GLE1: variants seen among roughly 807,000 people sequenced by gnomAD.
GLE1 encodes GLE1 RNA export mediator.
A neutral mutation model predicts 97.3 loss-of-function variants in GLE1; 78 were observed. The ratio of observed to expected loss-of-function variants is 0.80; its 90% CI spans 0.67 to 0.97. The LOEUF is 0.97. Among genes scored for constraint, GLE1 ranks in the 50% least tolerant of loss-of-function variants. GLE1 has a pLI of 0.00. For synonymous variants in GLE1, 302 were observed against 313.4 expected (o/e 0.96, Z 0.39); for missense variants, 753 against 857.5 (o/e 0.88, Z 1.52).
intron 3 of GLE1, among the ~76,000 whole-genome samples, chr9:128,518,364 C>G (rs1046812663): frequency 4.6e-5 from 7 of 152,004 alleles, no homozygotes; most frequent in Non-Finnish European, 8.8e-5. Context: ...AGTTTGACAC[C>G]AGCCTGGCCA....
rs199535198 is a variant in GLE1 at position 128,525,293 on chromosome 9, C to G, written c.999C>G (p.Cys333Trp). The G allele has an allele frequency of 6.2e-6, 10 of 1,613,886 alleles. No homozygotes were observed. Among genetic ancestry groups the G allele is most frequent in the Middle Eastern group, 1.7e-4 (1 of 6,060 alleles). ...MNLGQEITRA[C>W]EDKRRQDEEE... The stretch of plus-strand genomic sequence containing the variant: ...TGGGGCAGGAGATCACCAGAGCCTG[C>G]GAAGACAAGAGGAGGCAGGATGAAG... The change falls in exon 7 of 16, where the codon TGC (cysteine) becomes TGG (tryptophan). Residue 333 changes from cysteine (C) to tryptophan (W), a missense_variant. Cys to Trp is a radical substitution (Grantham distance 215). Transcript: ENST00000309971.
At chr9:128,511,136 G>A (rs928934347) in intron 2 of GLE1, among the ~76,000 whole-genome samples, 2 of 151,184 alleles carry the variant, frequency 1.3e-5, no homozygotes, top group African/African-American at 2.4e-5. Flanking sequence ...CCCGGGAGAC[G>A]GAGGTTGCAG....
intron 7 of GLE1, 26 bp downstream of exon 7, chr9:128,525,449 T>C (rs1332023262): frequency 7.5e-7 from 1 of 1,334,340 alleles, no homozygotes; most frequent in Non-Finnish European, 1.1e-6. Flanking sequence ...GATGTGGTCC[T>C]TTAACTCGTA....
rs575049150 is a variant in GLE1 at position 128,541,810 on chromosome 9, C to A, written c.*640C>A. 6.6e-6 allele frequency: 1 copy of A among 152,206 alleles called. No individual in the cohort carries two copies. The highest frequency in any genetic ancestry group is 1.5e-5 in the Non-Finnish European group (1 of 68,068). 9.4% of individuals were successfully genotyped at this position (152,206 alleles called of 1,614,324 possible). Reference sequence around the variant, plus strand: ...ACATGTCATTTTGAACTAAGGGAAACTCTTTGTCATCCTAATTTGGAATTT... The same window carrying A: ...ACATGTCATTTTGAACTAAGGGAAAATCTTTGTCATCCTAATTTGGAATTT... On this transcript the variant is annotated 3_prime_UTR_variant, in exon 16 of 16. Coordinates refer to ENST00000309971, the MANE Select transcript of GLE1 (RefSeq NM_001003722.2).
rs1489948033 is a variant in GLE1, at chr9:128,533,895, C to G, written c.1590C>G (p.Tyr530Ter). 1.2e-6 allele frequency: 2 copies of G among 1,613,448 alleles called. No individual in the cohort carries two copies. The highest frequency in any genetic ancestry group is 1.3e-5 in the African/African-American group (1 of 74,880). ...CTCATCTACATAAGAAGTGTCCTTA[C>G]TCTGTTCCTTTCTATCCCACTTTCA... is the stretch of plus-strand genomic sequence containing the variant. ...ILAHLHKKCP[Y>*]SVPFYPTFKE... The change falls in exon 11 of 16, where the codon TAC becomes TAG. Residue 530 changes from tyrosine to a stop codon, truncating the protein, a stop_gained. Transcript: ENST00000309971. LOFTEE classifies it high-confidence loss of function.
chr9:128,538,854 C>G (rs573600467), intron 13 of GLE1, among the ~76,000 whole-genome samples: 1 of 152,314 alleles, frequency 6.6e-6, no homozygotes, highest in East Asian at 1.9e-4. Flanking sequence ...AGCCATTGCA[C>G]TCAGCCAAGA....
At chr9:128,520,757 A>AT (rs1160980952) in intron 3 of GLE1, among the ~76,000 whole-genome samples, 2,963 of 136,590 alleles carry the variant, frequency 0.022, 93 homozygotes, top group African/African-American at 0.072. Context: ...CTTCTCCACT[A>AT]TTTTTTTTTT....
intron 15 of GLE1, 106 bp from the exon 16 acceptor site, chr9:128,540,996 C>T: frequency 1.3e-6 from 1 of 787,700 alleles, no homozygotes; most frequent in South Asian, 1.4e-5. Flanking sequence ...GTTCACTGTT[C>T]CATAGGGCTG....
chr9:128,523,695 A>G lies in GLE1; in HGVS notation c.746A>G (p.Tyr249Cys), dbSNP rs1336072790. Residue 249 changes from tyrosine (Y) to cysteine (C), a missense_variant, in exon 6 of 16, where the codon TAT becomes TGT. Tyr to Cys is a radical substitution (Grantham distance 194). Coordinates refer to ENST00000309971, the MANE Select transcript of GLE1 (RefSeq NM_001003722.2). ...EEGQIRLRAL[Y>C]ALQEEMLQLS... The stretch of plus-strand genomic sequence containing the variant: ...GGCCAGATCCGCCTGCGGGCCCTCT[A>G]TGCTCTGCAGGAGGAGATGCTGCAG... The G allele has an allele frequency of 3.7e-6, 6 of 1,614,088 alleles. No homozygotes were observed. Among genetic ancestry groups the G allele is most frequent in the Admixed American group, 1.7e-5 (1 of 60,006 alleles).
At chr9:128,527,748 G>C (rs1847344514) in intron 9 of GLE1, among the ~76,000 whole-genome samples, 1 of 151,938 alleles carries the variant, frequency 6.6e-6, no homozygotes, top group African/African-American at 2.4e-5. Context: ...GGCGGATCAC[G>C]AGGTCAGGAG....
intron 3 of GLE1, among the ~76,000 whole-genome samples, chr9:128,519,858 T>C (rs1847089782): frequency 6.6e-6 from 1 of 152,236 alleles, no homozygotes; most frequent in Non-Finnish European, 1.5e-5. Context: ...CTCCCCCGGA[T>C]GCCCAGCTTT....
intron 4 of GLE1, 99 bp from the exon 5 acceptor site, chr9:128,523,181 G>C: frequency 1.1e-6 from 1 of 921,264 alleles, no homozygotes; most frequent in Non-Finnish European, 1.8e-6. Flanking sequence ...AAAAAGGGAA[G>C]GAAGGGAAGG....
At chr9:128,517,084 G>GTTC (rs1423833115) in intron 3 of GLE1, among the ~76,000 whole-genome samples, 2 of 151,920 alleles carry the variant, frequency 1.3e-5, no homozygotes, top group African/African-American at 4.8e-5. Flanking sequence ...GAGATAAGGA[G>GTTC]TTCCAGACTG....
At chr9:128,508,114 A>C (rs1343514799) in intron 1 of GLE1, among the ~76,000 whole-genome samples, 4 of 136,334 alleles carry the variant, frequency 2.9e-5, no homozygotes, top group African/African-American at 1.1e-4. Context: ...TGGGAGGTGG[A>C]GGTTGTGGTG....
Position 128,533,607 on chromosome 9 carries a change from C to T in GLE1, c.1407C>T (p.Asn469=), listed in dbSNP as rs1428226413. 6.2e-7 allele frequency: 1 copy of T among 1,613,970 alleles called. No homozygotes were observed. The change falls in exon 10 of 16, where the codon AAC becomes AAT. Residue 469 remains asparagine (N), a synonymous_variant. Transcript: ENST00000309971. ...SGGRSVSVTL[N]PQGLDFVQYK... is the part of the protein sequence containing the mutation. ...GGCGCTCTGTGTCTGTCACACTTAA[C>T]CCACAGGGGCTGGACTTTGTTCAAT...
rs1847611800 is a variant in GLE1, at chr9:128,533,966, C to T, written c.1646+15C>T. On this transcript the variant is annotated intron_variant, in intron 11 of 15. Transcript: ENST00000309971. ...GACTATCAGAGGTAAAGTTGTTTTT[C>T]TCCCTACTCACTATCCCTAGAGTGA... is the stretch of plus-strand genomic sequence containing the variant. 6.6e-7 allele frequency: 1 copy of T among 1,525,592 alleles called. No individual in the cohort carries two copies. Among genetic ancestry groups the T allele is most frequent in the Non-Finnish European group, 9.1e-7 (1 of 1,099,324 alleles). 94.5% of individuals were successfully genotyped at this position (1,525,592 alleles called of 1,614,324 possible).
intron 15 of GLE1, 189 bp downstream of exon 15, chr9:128,540,527 A>G (rs1245356020): frequency 1.6e-6 from 1 of 626,028 alleles, no homozygotes; most frequent in Non-Finnish European, 2.9e-6. Flanking sequence ...CTTTATATGT[A>G]TCATTCTCTA....
In GLE1 at chr9:128,515,429, T is replaced by C. The variant is rs1476136192; in HGVS notation, c.322-100T>C. 5.5e-6 allele frequency: 4 copies of C among 721,076 alleles called. No individual in the cohort carries two copies. In the Admixed American group the frequency reaches 8.2e-5, roughly 15 times the overall value. 44.7% of individuals were successfully genotyped at this position (721,076 alleles called of 1,614,324 possible). ...TTTTGCTCTTGTTATTGGTGGTTGT[T>C]CATAAGTTGGGATGTGGTCTTTGTC... On this transcript the variant is annotated intron_variant, in intron 2 of 15. Transcript: ENST00000309971.
intron 3 of GLE1, among the ~76,000 whole-genome samples, chr9:128,516,710 C>T (rs965961403): frequency 6.6e-6 from 1 of 151,828 alleles, no homozygotes; most frequent in Admixed American, 6.6e-5. Context: ...CTGCAACCTC[C>T]GCCTCCTGGG....
Sources: gnomAD v4.1 joint callset for allele counts (sites outside exome capture counted in the v4.1 genomes callset) on GRCh38, gnomAD v4.1.1 for gene constraint, MANE v1.5 for transcripts, NCBI Gene and HGNC (gene_info 2026-07-23, HGNC 2026-07-21) for gene names.